DCC: variants seen among roughly 807,000 people sequenced by gnomAD.
DCC encodes netrin receptor DCC.
In DCC, 58 loss-of-function variants were observed where a neutral mutation model predicts 172.5. The observed-to-expected ratio is 0.34, with a 90% CI of 0.27 to 0.42. The LOEUF (loss-of-function observed/expected upper bound fraction) is 0.42, where lower values mean the gene tolerates loss of function less well. DCC is among the 10% of genes least tolerant of loss of function. The pLI, the probability that DCC is intolerant of heterozygous loss-of-function variation, is 1.00. For synonymous variants in DCC, 709 were observed against 644.5 expected (o/e 1.10, Z -1.52); for missense variants, 1,740 against 1,791.0 (o/e 0.97, Z 0.51).
At chr18:53,095,576 A>C (rs2043073731) in intron 7 of DCC, among the ~76,000 whole-genome samples, 1 of 152,158 alleles carries the variant, frequency 6.6e-6, no homozygotes, top group African/African-American at 2.4e-5. Flanking sequence ...TTCTTGGCTC[A>C]TGGCCCCTTC....
intron 11 of DCC, among the ~76,000 whole-genome samples, chr18:53,208,839 C>T (rs539734981): frequency 1.3e-5 from 2 of 152,290 alleles, no homozygotes; most frequent in African/African-American, 4.8e-5. Flanking sequence ...AAGTGATTCT[C>T]CTGCCCCCAG....
intron 1 of DCC, among the ~76,000 whole-genome samples, chr18:52,624,892 C>T (rs778515498): frequency 1.3e-5 from 2 of 152,150 alleles, no homozygotes; most frequent in Non-Finnish European, 2.9e-5. Context: ...GTAAGCCATT[C>T]ATAGAGTTGC....
At chr18:52,577,875 A>G (rs1441431085) in intron 1 of DCC, among the ~76,000 whole-genome samples, 2 of 152,232 alleles carry the variant, frequency 1.3e-5, no homozygotes, top group Non-Finnish European at 2.9e-5. Flanking sequence ...ATTAAAAACA[A>G]GTAGTTGGAC....
At chr18:52,721,192 ATCAACAG>A (rs2145075901) in intron 1 of DCC, among the ~76,000 whole-genome samples, 1 of 152,304 alleles carries the variant, frequency 6.6e-6, no homozygotes, top group South Asian at 2.1e-4. Context: ...TTCCATTGAA[ATCAACAG>A]GACCGTATGG....
At chr18:53,213,892 ACTT>A (rs1014947261) in intron 11 of DCC, among the ~76,000 whole-genome samples, 3 of 100,222 alleles carry the variant, frequency 3.0e-5, no homozygotes, top group African/African-American at 1.5e-4. Context: ...TTATACTTTA[ACTT>A]AAAAATTTAC....
intron 1 of DCC, among the ~76,000 whole-genome samples, chr18:52,417,487 TC>T (rs1443234819): frequency 6.6e-6 from 1 of 152,164 alleles, no homozygotes; most frequent in African/African-American, 2.4e-5. Flanking sequence ...GGTTCCATTC[TC>T]CCCGTCACTT....
At chr18:52,497,289 A>ATGTG (rs1165259817) in intron 1 of DCC, among the ~76,000 whole-genome samples, 1,679 of 39,410 alleles carry the variant, frequency 0.043, 241 homozygotes, top group East Asian at 0.16. Context: ...AAATATATAT[A>ATGTG]TATATATATA....
intron 5 of DCC, among the ~76,000 whole-genome samples, chr18:53,054,937 C>T (rs959293964): frequency 1.3e-5 from 2 of 152,024 alleles, no homozygotes; most frequent in Non-Finnish European, 1.5e-5. Context: ...TACTATTTGT[C>T]CTAATATTCT....
chr18:52,483,314 G>A (rs142655732), intron 1 of DCC, among the ~76,000 whole-genome samples: 1 of 152,042 alleles, frequency 6.6e-6, no homozygotes, highest in South Asian at 2.1e-4. Flanking sequence ...GGGCCATGCA[G>A]CCAACTATAT....
intron 25 of DCC, among the ~76,000 whole-genome samples, chr18:53,468,517 G>C (rs141014473): frequency 1.3e-5 from 2 of 151,814 alleles, no homozygotes; most frequent in Non-Finnish European, 2.9e-5. Flanking sequence ...CAAGAAGCTG[G>C]GACTACAGGC....
intron 1 of DCC, among the ~76,000 whole-genome samples, chr18:52,648,004 TG>T (rs2035051682): frequency 6.6e-6 from 1 of 152,218 alleles, no homozygotes; most frequent in Non-Finnish European, 1.5e-5. Context: ...TTTATGGATG[TG>T]CTGGCCCTTA....
intron 1 of DCC, among the ~76,000 whole-genome samples, chr18:52,666,331 A>T (rs1055974886): frequency 2.0e-5 from 3 of 152,144 alleles, no homozygotes; most frequent in Non-Finnish European, 4.4e-5. Context: ...ATTCATACAG[A>T]CTAACAATAG....
chr18:53,198,903 A>G (rs1191197971), intron 9 of DCC, among the ~76,000 whole-genome samples: 1 of 152,118 alleles, frequency 6.6e-6, no homozygotes, highest in Non-Finnish European at 1.5e-5. Flanking sequence ...CCACAAAATT[A>G]TTGTCCAACT....
chr18:52,690,296 G>A (rs2035911446), intron 1 of DCC, among the ~76,000 whole-genome samples: 1 of 152,098 alleles, frequency 6.6e-6, no homozygotes, highest in African/African-American at 2.4e-5. Flanking sequence ...TCAGCTGGGT[G>A]CAGAAAAAGA....
At chr18:53,482,023 G>A (rs190968284) in intron 25 of DCC, among the ~76,000 whole-genome samples, 2 of 152,176 alleles carry the variant, frequency 1.3e-5, no homozygotes, top group African/African-American at 2.4e-5. Flanking sequence ...CATAGCAGTG[G>A]AGTGAATGCT....
intron 25 of DCC, among the ~76,000 whole-genome samples, chr18:53,472,555 G>A (rs1441560762): frequency 2.0e-5 from 3 of 152,086 alleles, no homozygotes; most frequent in African/African-American, 7.2e-5. Context: ...GAGCCTTCCT[G>A]TCCCATCTAA....
At chr18:52,984,736 A>T (rs544631462) in intron 5 of DCC, among the ~76,000 whole-genome samples, 1 of 152,260 alleles carries the variant, frequency 6.6e-6, no homozygotes, top group South Asian at 2.1e-4. Context: ...TGATTATCCA[A>T]TTATGATTCC....
intron 2 of DCC, among the ~76,000 whole-genome samples, chr18:52,821,158 AAG>A (rs2038399129): frequency 6.6e-6 from 1 of 152,154 alleles, no homozygotes; most frequent in East Asian, 1.9e-4. Context: ...AATCAGAAAA[AAG>A]AATGCTGTCA....
intron 5 of DCC, among the ~76,000 whole-genome samples, chr18:52,973,323 G>A (rs1161131835): frequency 1.3e-5 from 2 of 152,096 alleles, no homozygotes. Context: ...TATACCTAGT[G>A]TGAATTTTTA....
Sources: allele counts gnomAD v4.1 joint callset (sites outside exome capture counted in the v4.1 genomes callset), GRCh38; gene constraint gnomAD v4.1.1; transcripts MANE v1.5; gene names NCBI Gene and HGNC (gene_info 2026-07-23, HGNC 2026-07-21).